The following FAM13B variants were observed in gnomAD, a reference collection of about 807,000 sequenced individuals.
FAM13B encodes protein FAM13B.
FAM13B carries 60 observed loss-of-function variants against 117.3 expected under a neutral mutation model. The ratio of observed to expected loss-of-function variants is 0.51; its 90% CI spans 0.42 to 0.63. The LOEUF (loss-of-function observed/expected upper bound fraction) is 0.63, where lower values mean the gene tolerates loss of function less well. FAM13B is among the 30% of genes least tolerant of loss of function. The probability of loss-of-function intolerance (pLI) is 0.00; values close to 1 mark genes in which losing one functional copy is unlikely to be tolerated. For synonymous variants in FAM13B, 332 were observed against 356.1 expected, an observed-to-expected ratio of 0.93 and a Z score of 0.76; for missense variants, 972 against 1,091.9, an observed-to-expected ratio of 0.89 and a Z score of 1.55.
chr5:138,049,437 C>T (rs1358045414), intron 1 of FAM13B, among the ~76,000 whole-genome samples: 2 of 151,802 alleles, frequency 1.3e-5, no homozygotes, highest in African/African-American at 4.8e-5. Context: ...CCACGCCCTA[C>T]TAATTTTTTT....
At chr5:137,961,395 T>C (rs1010126533) in intron 11 of FAM13B, among the ~76,000 whole-genome samples, 36 of 152,168 alleles carry the variant, frequency 2.4e-4, no homozygotes, top group African/African-American at 8.4e-4. Flanking sequence ...CAAATCCAGA[T>C]GTCACTATTC....
intron 7 of FAM13B, among the ~76,000 whole-genome samples, chr5:137,996,229 G>A (rs987425352): frequency 1.3e-5 from 2 of 152,052 alleles, no homozygotes; most frequent in Admixed American, 6.6e-5. Flanking sequence ...TCTGCCTCCC[G>A]GGTTCATGCC....
chr5:137,947,999 G>A (rs193043633), intron 18 of FAM13B, among the ~76,000 whole-genome samples: 3 of 152,218 alleles, frequency 2.0e-5, no homozygotes, highest in East Asian at 1.9e-4. Context: ...TGAGAGAGGT[G>A]TACTCTGTTG....
chr5:137,995,755 A>AC (rs1340988254), intron 7 of FAM13B, among the ~76,000 whole-genome samples: 6 of 152,244 alleles, frequency 3.9e-5, no homozygotes, highest in Non-Finnish European at 8.8e-5. Flanking sequence ...TATATATAAC[A>AC]AGTCTTTAAA....
chr5:137,950,686 CTTT>C (rs952558280), intron 17 of FAM13B, among the ~76,000 whole-genome samples: 74 of 152,000 alleles, frequency 4.9e-4, no homozygotes, highest in Non-Finnish European at 7.8e-4. Flanking sequence ...GCTAACATGA[CTTT>C]TTTAAAGATA....
At chr5:137,981,883 AACAG>A (rs1352294906) in intron 10 of FAM13B, among the ~76,000 whole-genome samples, 3 of 152,208 alleles carry the variant, frequency 2.0e-5, no homozygotes, top group East Asian at 3.8e-4. Flanking sequence ...GCCTGCCATA[AACAG>A]ACAGTGATGA....
chr5:137,965,001 C>A (rs1262696985), intron 10 of FAM13B, among the ~76,000 whole-genome samples: 1 of 151,954 alleles, frequency 6.6e-6, no homozygotes. Flanking sequence ...ATCCCGTCTA[C>A]TAAAAATACA....
intron 23 of FAM13B, among the ~76,000 whole-genome samples, chr5:137,940,911 A>G (rs1046684916): frequency 6.6e-6 from 1 of 151,930 alleles, no homozygotes; most frequent in African/African-American, 2.4e-5. Context: ...ACTTCAATTT[A>G]TTTATTTATT....
intron 1 of FAM13B, among the ~76,000 whole-genome samples, chr5:138,022,353 C>T (rs1227419008): frequency 6.6e-6 from 1 of 152,154 alleles, no homozygotes; most frequent in Non-Finnish European, 1.5e-5. Flanking sequence ...GAATTCTAGT[C>T]ATCTATTAAC....
chr5:137,958,006 C>T (rs191207439), intron 13 of FAM13B, among the ~76,000 whole-genome samples: 4 of 152,284 alleles, frequency 2.6e-5, no homozygotes, highest in Admixed American at 2.0e-4. Flanking sequence ...AATCAGGACT[C>T]CCAGGCCAAA....
intron 1 of FAM13B, among the ~76,000 whole-genome samples, chr5:138,038,342 T>G (rs1581326848): frequency 6.6e-6 from 1 of 152,162 alleles, no homozygotes; most frequent in South Asian, 2.1e-4. Context: ...TAAATACAGA[T>G]AGGAAGCCAT....
intron 10 of FAM13B, among the ~76,000 whole-genome samples, chr5:137,964,066 C>T (rs185919189): frequency 6.6e-6 from 1 of 152,050 alleles, no homozygotes; most frequent in Non-Finnish European, 1.5e-5. Context: ...TATTTATTTA[C>T]TTAAAAAAAT....
At chr5:137,952,175 G>C (rs886839430) in intron 17 of FAM13B, among the ~76,000 whole-genome samples, 1 of 152,072 alleles carries the variant, frequency 6.6e-6, no homozygotes. Flanking sequence ...GCAATGCCTA[G>C]TTTATCATTC....
intron 1 of FAM13B, among the ~76,000 whole-genome samples, chr5:138,038,979 T>C (rs1341019961): frequency 6.6e-6 from 1 of 152,236 alleles, no homozygotes; most frequent in Non-Finnish European, 1.5e-5. Context: ...TTCACTCATA[T>C]AGCCACTGGT....
At chr5:138,001,738 G>A (rs961084596) in intron 7 of FAM13B, among the ~76,000 whole-genome samples, 1 of 152,170 alleles carries the variant, frequency 6.6e-6, no homozygotes, top group African/African-American at 2.4e-5. Context: ...GGAGGATGAG[G>A]AGGTTATCAC....
chr5:138,040,299 G>C (rs1791451306), intron 1 of FAM13B, among the ~76,000 whole-genome samples: 1 of 149,950 alleles, frequency 6.7e-6, no homozygotes, highest in South Asian at 2.1e-4. Flanking sequence ...GCCGGGCACG[G>C]TGGCTCAAGC....
chr5:137,940,158 A>G lies in FAM13B; in HGVS notation c.*67T>C, dbSNP rs1761212975. 1 of 1,613,540 alleles carries G rather than the reference A, an allele frequency of 6.2e-7. No individual in the cohort carries two copies. The highest frequency in any genetic ancestry group is 1.1e-5 in the South Asian group (1 of 91,066). On this transcript the variant is annotated 3_prime_UTR_variant, in exon 24 of 24. Transcript: ENST00000689681. Reference sequence around the variant, plus strand: ...ACAAAACGAATTTAAGTACCAGCCAAGTACACACGATGATAGCTTCAAGGA... The same window carrying G: ...ACAAAACGAATTTAAGTACCAGCCAGGTACACACGATGATAGCTTCAAGGA...
Position 137,940,332 on chromosome 5 carries a change from C to T in FAM13B, c.2707G>A (p.Asp903Asn), listed in dbSNP as rs944180168. 1.9e-6 allele frequency: 3 copies of T among 1,604,260 alleles called. No individual in the cohort carries two copies. The Admixed American group carries it at 5.1e-5, about 27-fold the overall frequency. Reference sequence around the variant, plus strand: ...TACTCCTCAAGCACTGGAACACGATCCTCTTTCTGGGCATTCCTAGGGGAG... The same window carrying T: ...TACTCCTCAAGCACTGGAACACGATTCTCTTTCTGGGCATTCCTAGGGGAG... ...QQNGRNAQKE[D>N]RVPVLEEYRE... The change falls in exon 24 of 24, where the codon GAT becomes AAT. Residue 903 changes from aspartate to asparagine, a missense_variant. Transcript: ENST00000689681.
chr5:137,950,482 C>G (rs1252299924), intron 17 of FAM13B, among the ~76,000 whole-genome samples: 1 of 151,980 alleles, frequency 6.6e-6, no homozygotes, highest in Non-Finnish European at 1.5e-5. Flanking sequence ...GGAGTTTTGA[C>G]TTTATTCTAG....
Sources: allele counts gnomAD v4.1 joint callset (sites outside exome capture counted in the v4.1 genomes callset), GRCh38; gene constraint gnomAD v4.1.1; transcripts MANE v1.5; gene names NCBI Gene and HGNC (gene_info 2026-07-23, HGNC 2026-07-21).